The following RAP1GDS1 variants were observed in gnomAD, a reference collection of about 807,000 sequenced individuals.
RAP1GDS1 encodes RAP1, GTP-GDP dissociation stimulator 1.
In RAP1GDS1, 35 loss-of-function variants were observed where a neutral mutation model predicts 71.1. The ratio of observed to expected loss-of-function variants is 0.49; its 90% CI spans 0.38 to 0.65. The LOEUF is 0.65. RAP1GDS1 is among the 30% of genes least tolerant of loss of function. RAP1GDS1 has a pLI of 0.00. For missense variants in RAP1GDS1, 663 were observed against 706.1 expected, an observed-to-expected ratio of 0.94 and a Z score of 0.69; for synonymous variants, 229 against 243.1, an observed-to-expected ratio of 0.94 and a Z score of 0.54.
At chr4:98,372,294 C>G (rs1392346085) in intron 4 of RAP1GDS1, among the ~76,000 whole-genome samples, 1 of 152,126 alleles carries the variant, frequency 6.6e-6, no homozygotes, top group Non-Finnish European at 1.5e-5. Flanking sequence ...TCATGAATAG[C>G]TGGGACTATA....
chr4:98,384,103 CTTCT>C (rs1742397707), intron 5 of RAP1GDS1, among the ~76,000 whole-genome samples: 1 of 151,252 alleles, frequency 6.6e-6, no homozygotes, highest in African/African-American at 2.4e-5. Flanking sequence ...TAAAGTTTTT[CTTCT>C]TTCTCAGAGA....
intron 14 of RAP1GDS1, among the ~76,000 whole-genome samples, chr4:98,440,499 A>T (rs1751727826): frequency 6.6e-6 from 1 of 152,170 alleles, no homozygotes; most frequent in African/African-American, 2.4e-5. Context: ...ATTTCTCAAC[A>T]TCCTCACCAA....
intron 1 of RAP1GDS1, 175 bp downstream of exon 1, chr4:98,261,744 G>C (rs1022254511): frequency 2.3e-6 from 2 of 866,134 alleles, no homozygotes; most frequent in African/African-American, 3.5e-5. Flanking sequence ...CGGGTGCCGG[G>C]GCTGGGAGGG....
chr4:98,410,199 T>C (rs911216568), intron 7 of RAP1GDS1, among the ~76,000 whole-genome samples: 1 of 152,146 alleles, frequency 6.6e-6, no homozygotes, highest in African/African-American at 2.4e-5. Context: ...TTATAACATA[T>C]AACTGACAGA....
At chr4:98,437,219 T>TA (rs1422178794) in intron 14 of RAP1GDS1, 151 bp downstream of exon 14, 2 of 727,152 alleles carry the variant, frequency 2.8e-6, no homozygotes, top group Non-Finnish European at 4.0e-6. Flanking sequence ...CCTATTACTG[T>TA]AAACACTCAT....
Position 98,391,934 on chromosome 4 carries a change from T to G in RAP1GDS1, c.509-18T>G, listed in dbSNP as rs1299930638. On this transcript the variant is annotated intron_variant, in intron 5 of 14. Transcript: ENST00000408927. The stretch of plus-strand genomic sequence containing the variant: ...CAACACTTTCTTTTCTGTTGTTGTT[T>G]TTTTTTTGTTTTTACAGATTCGCTT... 5.8e-6 allele frequency: 9 copies of G among 1,560,722 alleles called. No homozygotes were observed. Among genetic ancestry groups the G allele is most frequent in the Non-Finnish European group, 6.0e-6 (7 of 1,158,540 alleles).
At chr4:98,407,682 T>C (rs1214911771) in intron 7 of RAP1GDS1, among the ~76,000 whole-genome samples, 1 of 151,996 alleles carries the variant, frequency 6.6e-6, no homozygotes, top group East Asian at 1.9e-4. Flanking sequence ...AGGGAGGTAG[T>C]GAGATGAGGG....
chr4:98,435,397 A>G (rs1750994937), intron 13 of RAP1GDS1, among the ~76,000 whole-genome samples: 1 of 152,234 alleles, frequency 6.6e-6, no homozygotes, highest in African/African-American at 2.4e-5. Flanking sequence ...TATGAATTAT[A>G]TACTATATTC....
chr4:98,362,284 A>T (rs1391890967), intron 4 of RAP1GDS1, among the ~76,000 whole-genome samples: 1 of 152,138 alleles, frequency 6.6e-6, no homozygotes, highest in Non-Finnish European at 1.5e-5. Context: ...GTGCAAGATT[A>T]GCCTGGGCGT....
intron 4 of RAP1GDS1, among the ~76,000 whole-genome samples, chr4:98,354,898 A>C (rs6835411): frequency 0.14 from 21,520 of 152,130 alleles, 2,221 homozygotes; most frequent in African/African-American, 0.28. Flanking sequence ...TCATTACTTA[A>C]TATAAATCAT....
chr4:98,366,043 T>C (rs1219757429), intron 4 of RAP1GDS1, among the ~76,000 whole-genome samples: 1 of 152,208 alleles, frequency 6.6e-6, no homozygotes, highest in Non-Finnish European at 1.5e-5. Context: ...GGTGGTTCTC[T>C]TTCTCTCACT....
chr4:98,312,557 A>G (rs1730381965), intron 2 of RAP1GDS1, among the ~76,000 whole-genome samples: 1 of 152,074 alleles, frequency 6.6e-6, no homozygotes, highest in Non-Finnish European at 1.5e-5. Context: ...TTTTTTTCTA[A>G]TATTTGTGTG....
intron 1 of RAP1GDS1, among the ~76,000 whole-genome samples, chr4:98,281,806 T>A (rs1468374780): frequency 2.6e-5 from 4 of 152,030 alleles, no homozygotes; most frequent in Non-Finnish European, 5.9e-5. Flanking sequence ...TTATTGAGAG[T>A]TTTTAGCATG....
intron 11 of RAP1GDS1, 60 bp downstream of exon 11, chr4:98,420,204 G>C: frequency 7.5e-7 from 1 of 1,331,716 alleles, no homozygotes; most frequent in Non-Finnish European, 9.9e-7. Flanking sequence ...TGTGCCTCTA[G>C]TTGAAAAAGG....
chr4:98,322,857 A>T (rs1051829885), intron 2 of RAP1GDS1, among the ~76,000 whole-genome samples: 4 of 131,512 alleles, frequency 3.0e-5, no homozygotes, highest in Non-Finnish European at 4.6e-5. Flanking sequence ...CACAATTAAA[A>T]GAACTAGAAA....
chr4:98,301,253 A>C (rs1264097885), intron 2 of RAP1GDS1, among the ~76,000 whole-genome samples: 1 of 151,796 alleles, frequency 6.6e-6, no homozygotes, highest in Admixed American at 6.6e-5. Flanking sequence ...TTCATTGTCC[A>C]TGAGGGCTTA....
intron 2 of RAP1GDS1, among the ~76,000 whole-genome samples, chr4:98,317,741 T>C (rs192265159): frequency 4.6e-4 from 70 of 152,100 alleles, no homozygotes; most frequent in South Asian, 8.3e-4. Context: ...GGGAGATAGT[T>C]TTTTGGTGAG....
intron 2 of RAP1GDS1, among the ~76,000 whole-genome samples, chr4:98,324,658 C>G (rs1732638597): frequency 6.9e-6 from 1 of 144,156 alleles, no homozygotes; most frequent in African/African-American, 2.7e-5. Flanking sequence ...CTGAGAAAAA[C>G]AAGCAATGGG....
chr4:98,273,852 C>G (rs980037456), intron 1 of RAP1GDS1, among the ~76,000 whole-genome samples: 29 of 152,008 alleles, frequency 1.9e-4, no homozygotes, highest in African/African-American at 6.8e-4. Context: ...TTAACCACTT[C>G]CAATTTAAGG....
Sources: gnomAD v4.1 joint callset for allele counts (sites outside exome capture counted in the v4.1 genomes callset) on GRCh38, gnomAD v4.1.1 for gene constraint, MANE v1.5 for transcripts, NCBI Gene and HGNC (gene_info 2026-07-23, HGNC 2026-07-21) for gene names.